TAFA4: variants seen among roughly 807,000 people sequenced by gnomAD.
TAFA4 encodes chemokine-like protein TAFA-4.
A neutral mutation model predicts 21.1 loss-of-function variants in TAFA4; 20 were observed. That is an observed-to-expected ratio of 0.95 (90% confidence interval 0.67 to 1.38). The LOEUF (loss-of-function observed/expected upper bound fraction) is 1.38. Ranked by LOEUF, TAFA4 falls within the 40% of genes most tolerant of loss-of-function variation. TAFA4 has a pLI of 0.00. For missense variants in TAFA4, 211 were observed against 180.9 expected, an observed-to-expected ratio of 1.17 and a Z score of -0.95; for synonymous variants, 71 against 67.4, an observed-to-expected ratio of 1.05 and a Z score of -0.26.
intron 3 of TAFA4, among the ~76,000 whole-genome samples, chr3:68,811,883 A>G (rs1054488405): frequency 1.3e-5 from 2 of 152,160 alleles, no homozygotes; most frequent in African/African-American, 4.8e-5. Flanking sequence ...CAGATTCACC[A>G]AAGTTGAAAT....
chr3:68,908,951 A>G (rs1470329504), intron 1 of TAFA4, among the ~76,000 whole-genome samples: 1 of 152,174 alleles, frequency 6.6e-6, no homozygotes, highest in Non-Finnish European at 1.5e-5. Flanking sequence ...TTCCCACCAC[A>G]ATGAAACATT....
intron 3 of TAFA4, among the ~76,000 whole-genome samples, chr3:68,858,926 A>G (rs926308177): frequency 1.3e-5 from 2 of 151,966 alleles, no homozygotes; most frequent in Admixed American, 6.6e-5. Flanking sequence ...CAAGGGGTCA[A>G]TGTAAATGAC....
intron 3 of TAFA4, among the ~76,000 whole-genome samples, chr3:68,831,564 A>T (rs1182514892): frequency 6.6e-6 from 1 of 152,022 alleles, no homozygotes; most frequent in Non-Finnish European, 1.5e-5. Flanking sequence ...TGTTAGTCTG[A>T]CGGGCTTCCC....
intron 3 of TAFA4, among the ~76,000 whole-genome samples, chr3:68,802,386 G>A (rs916504939): frequency 6.6e-6 from 1 of 151,814 alleles, no homozygotes; most frequent in Non-Finnish European, 1.5e-5. Context: ...CTTGATCATA[G>A]GCCCAGAAAT....
At chr3:68,831,645 C>T (rs1704396974) in intron 3 of TAFA4, among the ~76,000 whole-genome samples, 1 of 152,166 alleles carries the variant, frequency 6.6e-6, no homozygotes, top group Admixed American at 6.5e-5. Flanking sequence ...CTTGGTGAAT[C>T]TGGCAATTAT....
chr3:68,745,733 T>C (rs911116544), intron 4 of TAFA4, among the ~76,000 whole-genome samples: 1 of 152,196 alleles, frequency 6.6e-6, no homozygotes, highest in Admixed American at 6.5e-5. Flanking sequence ...CAGAACACAA[T>C]TATGTATTCA....
At chr3:68,918,199 A>C (rs565210288) in intron 1 of TAFA4, among the ~76,000 whole-genome samples, 2 of 152,200 alleles carry the variant, frequency 1.3e-5, no homozygotes, top group East Asian at 3.9e-4. Flanking sequence ...GTACAGAGCC[A>C]CCGAACAAGG....
At chr3:68,897,354 CG>C (rs2089801902) in intron 1 of TAFA4, among the ~76,000 whole-genome samples, 2 of 150,558 alleles carry the variant, frequency 1.3e-5, no homozygotes, top group Non-Finnish European at 3.0e-5. Flanking sequence ...TGGCCAGGTA[CG>C]GGGGCTCATG....
At chr3:68,768,127 A>G (rs1300316327) in intron 3 of TAFA4, among the ~76,000 whole-genome samples, 2 of 152,140 alleles carry the variant, frequency 1.3e-5, no homozygotes, top group African/African-American at 4.8e-5. Context: ...GATTACATCT[A>G]AAAAGGGCTT....
intron 3 of TAFA4, among the ~76,000 whole-genome samples, chr3:68,769,522 T>C (rs939971836): frequency 6.6e-6 from 1 of 152,214 alleles, no homozygotes; most frequent in Non-Finnish European, 1.5e-5. Context: ...AGGGTGACTA[T>C]GATTAACAGT....
chr3:68,809,519 ATTTTTTTT>A lies in TAFA4; in HGVS notation c.131-56509_131-56502del, dbSNP rs200107940. 2.4e-5 allele frequency among the ~76,000 whole-genome samples: 3 copies of A among 127,138 alleles called. 1 individual carries two copies. The highest frequency in any genetic ancestry group is 3.3e-5 in the Non-Finnish European group (2 of 61,194). The allele number at this position is 127,138 out of a possible 152,430, so 83.4% of individuals were successfully genotyped here. A position where few individuals can be genotyped will look rare whatever the true frequency, so the allele number is the denominator to read the frequency against. On this transcript the variant is annotated intron_variant, in intron 3 of 5. Coordinates refer to ENST00000295569, the MANE Select transcript of TAFA4 (RefSeq NM_182522.5). ...TATTATTAATGTCTCCACTATGTTGATTTTTTTTTTTTTTTTTTTTGCCGTGCAGAAGT... is the reference window on the plus strand; with the variant it reads ...TATTATTAATGTCTCCACTATGTTGATTTTTTTTTTTTGCCGTGCAGAAGT...
At chr3:68,763,138 A>G (rs1319292040) in intron 3 of TAFA4, among the ~76,000 whole-genome samples, 2 of 152,234 alleles carry the variant, frequency 1.3e-5, no homozygotes, top group Admixed American at 1.3e-4. Context: ...ACAATTGAAG[A>G]TGAGAAAGTC....
chr3:68,843,163 T>C (rs1704705558), intron 3 of TAFA4, among the ~76,000 whole-genome samples: 1 of 152,244 alleles, frequency 6.6e-6, no homozygotes, highest in African/African-American at 2.4e-5. Context: ...TTCCTATCCA[T>C]GAGCATGGAA....
At chr3:68,902,732 G>C (rs1279804429) in intron 1 of TAFA4, among the ~76,000 whole-genome samples, 2 of 151,988 alleles carry the variant, frequency 1.3e-5, no homozygotes, top group Non-Finnish European at 2.9e-5. Flanking sequence ...CTATTAACAT[G>C]TTTCCCTTAT....
chr3:68,871,245 A>G (rs987906696), intron 3 of TAFA4, among the ~76,000 whole-genome samples: 2 of 152,146 alleles, frequency 1.3e-5, no homozygotes, highest in African/African-American at 4.8e-5. Context: ...TACTGTAAAG[A>G]CACATGCACA....
intron 4 of TAFA4, among the ~76,000 whole-genome samples, chr3:68,751,852 T>C (rs1386068610): frequency 4.6e-5 from 7 of 152,206 alleles, no homozygotes; most frequent in Non-Finnish European, 1.0e-4. Flanking sequence ...ACATAAAATA[T>C]GAGCAAAGTC....
intron 3 of TAFA4, among the ~76,000 whole-genome samples, chr3:68,784,555 C>T (rs796607989): frequency 1.3e-5 from 2 of 151,936 alleles, no homozygotes; most frequent in African/African-American, 4.8e-5. Flanking sequence ...TTTGTGGTCT[C>T]GCTGGCTTCA....
chr3:68,764,793 T>C (rs1216405239), intron 3 of TAFA4, among the ~76,000 whole-genome samples: 1 of 152,132 alleles, frequency 6.6e-6, no homozygotes, highest in Non-Finnish European at 1.5e-5. Context: ...CTCCCCATGC[T>C]CAGTCCATCA....
At chr3:68,830,037 CT>C (rs1203879412) in intron 3 of TAFA4, among the ~76,000 whole-genome samples, 1 of 152,188 alleles carries the variant, frequency 6.6e-6, no homozygotes, top group East Asian at 1.9e-4. Flanking sequence ...GGTGATATCC[CT>C]TTTTTCAGGT....
Sources: gnomAD v4.1 joint callset for allele counts (sites outside exome capture counted in the v4.1 genomes callset) on GRCh38, gnomAD v4.1.1 for gene constraint, MANE v1.5 for transcripts, NCBI Gene and HGNC (gene_info 2026-07-23, HGNC 2026-07-21) for gene names.